Variants in NCAPD3 observed in about 807,000 individuals in gnomAD.
NCAPD3 encodes condensin-2 complex subunit D3.
In NCAPD3, 105 loss-of-function variants were observed where a neutral mutation model predicts 182.9. The ratio of observed to expected loss-of-function variants is 0.57; its 90% CI spans 0.49 to 0.68. The LOEUF (loss-of-function observed/expected upper bound fraction) is 0.68. Ranked by LOEUF, NCAPD3 falls within the 30% of genes least tolerant of loss-of-function variation. The pLI is 0.00. For missense variants in NCAPD3, 1,944 were observed against 1,837.0 expected (o/e 1.06, Z -1.07); for synonymous variants, 815 against 679.9 (o/e 1.20, Z -3.09).
rs960282082 is a variant in NCAPD3 at position 134,204,692 on chromosome 11, TTCCAAAA to T, written c.1089+200_1089+206del. Among the ~76,000 whole-genome samples, 1 of 152,204 alleles carries T rather than the reference TTCCAAAA, an allele frequency of 6.6e-6. No individual in the cohort carries two copies. The highest frequency in any genetic ancestry group is 1.5e-5 in the Non-Finnish European group (1 of 68,028). Reference sequence around the variant, plus strand: ...GTTTCTGTGTGTATGTTCAACATTTTTCCAAAACAAAGTTTTTTTGTTTTTTTGTTTT... The same window carrying T: ...GTTTCTGTGTGTATGTTCAACATTTTCAAAGTTTTTTTGTTTTTTTGTTTT... On this transcript the variant is annotated intron_variant, in intron 9 of 34. Transcript: ENST00000534548. The surrounding 1 kb of genome is among the most constrained non-coding windows in gnomAD (Gnocchi z 4.3).
intron 19 of NCAPD3, among the ~76,000 whole-genome samples, chr11:134,182,243 G>C (rs1207719913): frequency 6.6e-6 from 1 of 152,194 alleles, no homozygotes; most frequent in Non-Finnish European, 1.5e-5. Context: ...CCTGTTCCAA[G>C]TCCTTGTCCA....
At chr11:134,205,276 T>C (rs1231224855) in intron 8 of NCAPD3, among the ~76,000 whole-genome samples, 1 of 152,216 alleles carries the variant, frequency 6.6e-6, no homozygotes, top group Non-Finnish European at 1.5e-5. Flanking sequence ...ATATATCCTT[T>C]GGGGATAAAT....
At chr11:134,168,806 G>C in intron 25 of NCAPD3, 111 bp downstream of exon 25, 1 of 1,440,102 alleles carries the variant, frequency 6.9e-7, no homozygotes, top group Non-Finnish European at 9.4e-7. Flanking sequence ...CCACAGTAAA[G>C]ACCTGGGGCA....
chr11:134,216,374 T>C (rs1938022232), intron 3 of NCAPD3, among the ~76,000 whole-genome samples: 1 of 152,204 alleles, frequency 6.6e-6, no homozygotes, highest in Non-Finnish European at 1.5e-5. Flanking sequence ...TCTCTCACCC[T>C]GTGTTTGGAG....
intron 32 of NCAPD3, among the ~76,000 whole-genome samples, chr11:134,155,173 C>G (rs1565514127): frequency 6.6e-6 from 1 of 152,280 alleles, no homozygotes; most frequent in Admixed American, 6.5e-5. Flanking sequence ...AAAATCCTCG[C>G]TCTGAAAATT....
chr11:134,169,400 A>T (rs1591831535), intron 24 of NCAPD3, among the ~76,000 whole-genome samples: 1 of 152,268 alleles, frequency 6.6e-6, no homozygotes. Context: ...CAGTGGTCTT[A>T]TAAGACTGAT....
Position 134,150,483 on chromosome 11 carries a change from G to A in NCAPD3, c.*2461C>T, listed in dbSNP as rs1369622762. 1 of 152,256 alleles carries A rather than the reference G, an allele frequency of 6.6e-6. No individual in the cohort carries two copies. The highest frequency in any genetic ancestry group is 1.9e-4 in the East Asian group (1 of 5,202). The allele number at this position is 152,256 out of a possible 1,614,324, so 9.4% of individuals were successfully genotyped here. A position where few individuals can be genotyped will look rare whatever the true frequency, so the allele number is the denominator to read the frequency against. ...GGGCCCTGGCAGTGGCTGTGTCCCA[G>A]TGAGCTTTACTCACGTGGCCCTTGC... On this transcript the variant is annotated 3_prime_UTR_variant, in exon 35 of 35. Coordinates refer to ENST00000534548, the MANE Select transcript of NCAPD3 (RefSeq NM_015261.3).
chr11:134,191,765 C>CTTG (rs1292472789), intron 16 of NCAPD3, among the ~76,000 whole-genome samples: 1 of 152,178 alleles, frequency 6.6e-6, no homozygotes, highest in Non-Finnish European at 1.5e-5. Context: ...ATCTGAAATG[C>CTTG]TTGGGACCAG....
At chr11:134,201,087 C>A (rs1040483167) in intron 13 of NCAPD3, among the ~76,000 whole-genome samples, 6 of 149,120 alleles carry the variant, frequency 4.0e-5, no homozygotes, top group Non-Finnish European at 7.4e-5. Context: ...TGCGGTGGCG[C>A]AATCTCGGCT....
chr11:134,160,645 C>A (rs1414110609), intron 28 of NCAPD3, among the ~76,000 whole-genome samples: 1 of 152,140 alleles, frequency 6.6e-6, no homozygotes, highest in African/African-American at 2.4e-5. Context: ...ATTCTTAGGT[C>A]TTAAAGAGGG....
intron 7 of NCAPD3, among the ~76,000 whole-genome samples, chr11:134,207,127 A>T (rs1168132151): frequency 6.6e-6 from 1 of 152,220 alleles, no homozygotes; most frequent in East Asian, 1.9e-4. Context: ...TCCAGTTTAC[A>T]AAGCACTTTC....
Position 134,204,807 on chromosome 11 carries a change from GAACA to G in NCAPD3, c.1089+88_1089+91del. 9.5e-7 allele frequency: 1 copy of G among 1,052,728 alleles called. No homozygotes were observed. The highest frequency in any genetic ancestry group is 1.4e-6 in the Non-Finnish European group (1 of 714,080). The allele number at this position is 1,052,728 out of a possible 1,614,324, so 65.2% of individuals were successfully genotyped here. ...AGTAACAATGCACACTCATTCCCAA[GAACA>G]AATACCCACACTCACACACACACAC... On this transcript the variant is annotated intron_variant, in intron 9 of 34. Transcript: ENST00000534548. The surrounding 1 kb of genome is among the most constrained non-coding windows in gnomAD (Gnocchi z 4.3).
chr11:134,170,636 A>G (rs1591832350), intron 24 of NCAPD3, among the ~76,000 whole-genome samples: 3 of 152,276 alleles, frequency 2.0e-5, no homozygotes, highest in Non-Finnish European at 2.9e-5. Flanking sequence ...GACTTATGTC[A>G]ATGCCAATCG....
At chr11:134,156,725 C>A (rs1943429266) in intron 32 of NCAPD3, 1 of 255,502 alleles carries the variant, frequency 3.9e-6, no homozygotes, top group Non-Finnish European at 7.5e-6. Context: ...CTCCAGAAGG[C>A]ACCACTGGGT....
chr11:134,158,107 G>A (rs775148970), intron 30 of NCAPD3, 40 bp from the exon 31 acceptor site: 1 of 1,602,968 alleles, frequency 6.2e-7, no homozygotes, highest in Non-Finnish European at 8.5e-7. Flanking sequence ...TCTCACTGCA[G>A]ACCACTGCAG....
chr11:134,154,627 T>TGGGTGGTGCAGCCTCGCCCCTCCC (rs1943368026), intron 32 of NCAPD3, among the ~76,000 whole-genome samples: 1 of 111,284 alleles, frequency 9.0e-6, no homozygotes, highest in Non-Finnish European at 1.9e-5. Context: ...TCGCCCCTCC[T>TGGGTGGTGCAGCCTCGCCCCTCCC]GGGTGGTGCT....
rs774756612 is a variant in NCAPD3 at position 134,202,863 on chromosome 11, G to A, written c.1568C>T (p.Ser523Leu). 8 of 1,608,988 alleles carry A rather than the reference G, an allele frequency of 5.0e-6. No individual in the cohort carries two copies. The highest frequency in any genetic ancestry group is 6.8e-6 in the Non-Finnish European group (8 of 1,178,898). The change falls in exon 13 of 35, where the codon TCA becomes TTA. Residue 523 changes from serine (S) to leucine (L), a missense_variant. Ser to Leu is a moderately radical substitution (Grantham distance 145, BLOSUM62 -2). Transcript: ENST00000534548. Reference sequence around the variant, plus strand: ...ACTGCTGTCTATGTTGATCTCCCCTGAGGGTTCGGAACGGTTAGATGTCTG... The same window carrying A: ...ACTGCTGTCTATGTTGATCTCCCCTAAGGGTTCGGAACGGTTAGATGTCTG... ...QRQTSNRSEPSGEINIDSSGE... is the reference protein window; with the variant it reads ...QRQTSNRSEPLGEINIDSSGE...
intron 13 of NCAPD3, among the ~76,000 whole-genome samples, chr11:134,201,154 G>A (rs1944740115): frequency 6.6e-6 from 1 of 151,628 alleles, no homozygotes; most frequent in African/African-American, 2.4e-5. Context: ...CCTCCTCATA[G>A]CTGGGACTAC....
At chr11:134,165,551 ACACT>A (rs1255113708) in intron 27 of NCAPD3, among the ~76,000 whole-genome samples, 12 of 144,700 alleles carry the variant, frequency 8.3e-5, no homozygotes, top group South Asian at 6.9e-4. Context: ...GGGGAGCAGC[ACACT>A]CACTTGTGAG....
Sources: allele counts gnomAD v4.1 joint callset (sites outside exome capture counted in the v4.1 genomes callset), GRCh38; gene constraint gnomAD v4.1.1; non-coding constraint Gnocchi (gnomAD v3.1); transcripts MANE v1.5; gene names NCBI Gene and HGNC (gene_info 2026-07-23, HGNC 2026-07-21).